The following TULP1 variants were observed in gnomAD, a reference collection of about 807,000 sequenced individuals.
The protein encoded by TULP1 is tubby-related protein 1.
A neutral mutation model predicts 67.1 loss-of-function variants in TULP1; 50 were observed. That is an observed-to-expected ratio of 0.75 (90% CI 0.59 to 0.94). The LOEUF (loss-of-function observed/expected upper bound fraction) is 0.94. Ranked by LOEUF, TULP1 falls within the 40% of genes least tolerant of loss-of-function variation. The pLI is 0.00. For missense variants in TULP1, 746 were observed against 734.1 expected (o/e 1.02, Z -0.19); for synonymous variants, 297 against 294.0 (o/e 1.01, Z -0.11).
intron 2 of TULP1, 72 bp downstream of exon 2, chr6:35,512,567 A>T: frequency 1.9e-6 from 3 of 1,598,306 alleles, no homozygotes; most frequent in Middle Eastern, 1.7e-4. Flanking sequence ...CCACCCCTAG[A>T]CCCCCTACCC....
At position 35,511,783 on chromosome 6, in the gene TULP1, C is replaced by T; in HGVS notation, c.214G>A (p.Glu72Lys). 3.2e-6 allele frequency: 5 copies of T among 1,567,412 alleles called. No homozygotes were observed. Among genetic ancestry groups the T allele is most frequent in the Non-Finnish European group, 4.3e-6 (5 of 1,156,142 alleles). The change falls in exon 4 of 15, where the codon GAG becomes AAG. Residue 72 changes from glutamate to lysine, a missense_variant. Glu to Lys is a moderately conservative substitution (Grantham distance 56). Around this residue, in one of 3 missense-constraint regions of TULP1, gnomAD observed 359 missense variants for 341.9 expected, o/e 1.05. Transcript: ENST00000229771. Reference protein sequence around the residue: ...PGAGRTGRPREEPSPDPAQAR... With the variant: ...PGAGRTGRPRKEPSPDPAQAR... ...TGGGCTGGGTCTGGGGAAGGCTCCT[C>T]CCGCGGCCTCCCCGTCCGCCCAGCT...
Position 35,506,040 on chromosome 6 carries a change from T to C in TULP1, c.962A>G (p.Tyr321Cys), listed in dbSNP as rs774837301. 2.5e-6 allele frequency: 4 copies of C among 1,613,826 alleles called. No homozygotes were observed. The highest frequency in any genetic ancestry group is 1.7e-5 in the Admixed American group (1 of 60,010). The change falls in exon 10 of 15, where the codon TAT (tyrosine) becomes TGT (cysteine). Residue 321 changes from tyrosine (Y) to cysteine (C), a missense_variant. Coordinates refer to ENST00000229771, the MANE Select transcript of TULP1 (RefSeq NM_003322.6). The stretch of plus-strand genomic sequence containing the variant: ...GTCCAGGTGCAGGAAGTAGGAGGGA[T>C]ACATGCCTCGATCCATGCCCTTTTT... ...RDKKGMDRGM[Y>C]PSYFLHLDTE...
chr6:35,512,495 GC>G, intron 2 of TULP1, 143 bp downstream of exon 2: 3 of 1,124,574 alleles, frequency 2.7e-6, no homozygotes, highest in Non-Finnish European at 3.9e-6. Flanking sequence ...TCCCCAAACA[GC>G]CCTTTCTCCC....
chr6:35,511,910 A>ACCCCAGGGGAGAT, intron 3 of TULP1, 104 bp from the exon 4 acceptor site: 1 of 1,273,310 alleles, frequency 7.9e-7, no homozygotes, highest in Non-Finnish European at 1.1e-6. Context: ...CGGGCTCCTC[A>ACCCCAGGGGAGAT]CCCTAGGGAT....
At chr6:35,507,977 G>A (rs1161100767) in intron 8 of TULP1, among the ~76,000 whole-genome samples, 5 of 152,074 alleles carry the variant, frequency 3.3e-5, no homozygotes, top group African/African-American at 7.2e-5. Flanking sequence ...ACCATGCCCC[G>A]ATAATTTTTG....
chr6:35,505,652 G>A, intron 11 of TULP1, 89 bp downstream of exon 11: 2 of 1,571,904 alleles, frequency 1.3e-6, no homozygotes. Context: ...ACTGTGGTGG[G>A]TGCTCTACCA....
chr6:35,506,288 G>A lies in TULP1; in HGVS notation c.823-9C>T, dbSNP rs767187459. On this transcript the variant is annotated splice_polypyrimidine_tract_variant and intron_variant, in intron 8 of 14. Coordinates refer to ENST00000229771, the MANE Select transcript of TULP1 (RefSeq NM_003322.6). ...GGACAACTCACCGCTTTCTGTGTGC[G>A]GAGAGAACAGAGAGGCTGGCTAGAG... 2.4e-5 allele frequency: 38 copies of A among 1,568,704 alleles called. No homozygotes were observed. The highest frequency in any genetic ancestry group is 2.8e-5 in the Non-Finnish European group (32 of 1,157,198).
chr6:35,511,466 G>T (rs1761200526), intron 4 of TULP1, among the ~76,000 whole-genome samples, 182 bp downstream of exon 4: 1 of 152,102 alleles, frequency 6.6e-6, no homozygotes, highest in Non-Finnish European at 1.5e-5. Flanking sequence ...TGGAGGGGGG[G>T]AACAAAGCAC....
At chr6:35,499,953 A>G (rs1561812209) in intron 14 of TULP1, 28 bp downstream of exon 14, 3 of 1,613,356 alleles carry the variant, frequency 1.9e-6, no homozygotes, top group Admixed American at 1.7e-5. Flanking sequence ...GGTGGAGAAG[A>G]GCCAGACCTG....
chr6:35,498,198 G>T lies in TULP1; in HGVS notation c.*129C>A. On this transcript the variant is annotated 3_prime_UTR_variant, in exon 15 of 15. Coordinates refer to ENST00000229771, the MANE Select transcript of TULP1 (RefSeq NM_003322.6). The surrounding 1 kb of genome is among the most constrained non-coding windows in gnomAD (Gnocchi z 6.7). ...GGGAGAGGACGGAGGTCACCGAGAG[G>T]CAGTGAGAGGTCAGCCCCGACACAG... The T allele has an allele frequency of 7.0e-7, 1 of 1,423,740 alleles. No individual in the cohort carries two copies. Among genetic ancestry groups the T allele is most frequent in the Non-Finnish European group, 9.5e-7 (1 of 1,057,662 alleles). The allele number at this position is 1,423,740 out of a possible 1,614,324, so 88.2% of individuals were successfully genotyped here.
chr6:35,504,086 AG>A (rs1017354238), intron 11 of TULP1: 1 of 487,622 alleles, frequency 2.1e-6, no homozygotes, highest in Non-Finnish European at 3.7e-6. Flanking sequence ...GAGTCAGAGG[AG>A]GGAGGATCGC....
In TULP1 at chr6:35,498,172, G is replaced by T; in HGVS notation, c.*155C>A. On this transcript the variant is annotated 3_prime_UTR_variant, in exon 15 of 15. Coordinates refer to ENST00000229771, the MANE Select transcript of TULP1 (RefSeq NM_003322.6). This position sits in a 1 kb window ranked among gnomAD's most constrained non-coding sequence, Gnocchi z 6.7. ...CTCCTGCCTCGGCCTGTGCCAGGCT[G>T]GGGAGAGGACGGAGGTCACCGAGAG... 2 of 1,264,092 alleles carry T rather than the reference G, an allele frequency of 1.6e-6. No individual in the cohort carries two copies. The highest frequency in any genetic ancestry group is 1.4e-5 in the South Asian group (1 of 70,234). The allele number at this position is 1,264,092 out of a possible 1,614,324, so 78.3% of individuals were successfully genotyped here.
intron 13 of TULP1, 137 bp from the exon 14 acceptor site, chr6:35,500,289 A>C (rs1768812297): frequency 9.5e-6 from 9 of 948,222 alleles, no homozygotes; most frequent in Non-Finnish European, 1.3e-5. Flanking sequence ...AGGGTATCTG[A>C]GAATAGGCTT....
chr6:35,504,143 C>A lies in TULP1; in HGVS notation c.1113-295G>T, dbSNP rs370850225. 2.8e-5 allele frequency: 10 copies of A among 353,236 alleles called. No individual in the cohort carries two copies. The Admixed American group carries it at 4.1e-4, about 15-fold the overall frequency. The allele number at this position is 353,236 out of a possible 1,614,324, so 21.9% of individuals were successfully genotyped here. On this transcript the variant is annotated intron_variant, in intron 11 of 14. Transcript: ENST00000229771. ...CCAGCCTGGGCAACATGGCAGACAACGCTGTCTCTACAAAAAACACCCGCC... is the reference window on the plus strand; with the variant it reads ...CCAGCCTGGGCAACATGGCAGACAAAGCTGTCTCTACAAAAAACACCCGCC...
At chr6:35,506,315 A>G (rs1053262749) in intron 8 of TULP1, 36 bp from the exon 9 acceptor site, 6 of 1,552,458 alleles carry the variant, frequency 3.9e-6, no homozygotes, top group Admixed American at 3.9e-5. Context: ...TGGCTAGAGC[A>G]GGGGCCGCAT....
rs1017444695 is a variant in TULP1, at chr6:35,511,751, C to G, written c.246G>C (p.Arg82=). The change falls in exon 4 of 15, where the codon CGG becomes CGC. Residue 82 remains arginine, a synonymous_variant. Coordinates refer to ENST00000229771, the MANE Select transcript of TULP1 (RefSeq NM_003322.6). The part of the protein sequence containing the change: ...EEPSPDPAQA[R]APQTVYARFL... ...ACCTGGCGTAGACCGTCTGCGGCGC[C>G]CGGGCCTGGGCTGGGTCTGGGGAAG... The G allele has an allele frequency of 6.3e-7, 1 of 1,584,642 alleles. No individual in the cohort carries two copies. The highest frequency in any genetic ancestry group is 1.3e-5 in the African/African-American group (1 of 74,244).
chr6:35,506,885 A>G (rs970014943), intron 8 of TULP1, among the ~76,000 whole-genome samples: 12 of 152,176 alleles, frequency 7.9e-5, no homozygotes, highest in Non-Finnish European at 1.8e-4. Flanking sequence ...AACAGAATGG[A>G]CTGCTGTGTT....
chr6:35,512,769 G>C, intron 1 of TULP1, 43 bp downstream of exon 1: 1 of 1,539,326 alleles, frequency 6.5e-7, no homozygotes, highest in Non-Finnish European at 8.8e-7. Flanking sequence ...CTCCATCTAG[G>C]CCCCCCAGGG....
At chr6:35,511,920 T>C in intron 3 of TULP1, 114 bp from the exon 4 acceptor site, 1 of 1,209,900 alleles carries the variant, frequency 8.3e-7, no homozygotes, top group Non-Finnish European at 1.1e-6. Flanking sequence ...ACCCTAGGGA[T>C]CTCCCCTGGG....
Sources: allele counts gnomAD v4.1 joint callset (sites outside exome capture counted in the v4.1 genomes callset), GRCh38; gene constraint gnomAD v4.1.1; regional missense constraint gnomAD v4.1.1; non-coding constraint Gnocchi (gnomAD v3.1); transcripts MANE v1.5; gene names NCBI Gene and HGNC (gene_info 2026-07-23, HGNC 2026-07-21).